Variants in AKAP6 observed in about 807,000 individuals in gnomAD.
AKAP6 encodes A-kinase anchor protein 6.
AKAP6 carries 58 observed loss-of-function variants against 188.5 expected under a neutral mutation model. That is an observed-to-expected ratio of 0.31 (90% CI 0.25 to 0.38). The LOEUF (loss-of-function observed/expected upper bound fraction) is 0.38, where lower values mean the gene tolerates loss of function less well. AKAP6 is among the 10% of genes least tolerant of loss of function. The pLI is 1.00. For synonymous variants in AKAP6, 989 were observed against 998.6 expected (o/e 0.99, Z 0.18); for missense variants, 2,710 against 2,740.0 (o/e 0.99, Z 0.24).
chr14:32,527,369 AATCCTT>A (rs1882185757), intron 2 of AKAP6, among the ~76,000 whole-genome samples: 7 of 39,618 alleles, frequency 1.8e-4, no homozygotes, highest in Non-Finnish European at 2.3e-4. Flanking sequence ...AAGTTTTGGC[AATCCTT>A]GGTTGCTTCC....
chr14:32,680,580 A>T (rs1166924753), intron 8 of AKAP6, among the ~76,000 whole-genome samples: 2 of 152,152 alleles, frequency 1.3e-5, no homozygotes, highest in African/African-American at 4.8e-5. Flanking sequence ...AGAGAAAATT[A>T]AGTTGGTGAT....
intron 2 of AKAP6, among the ~76,000 whole-genome samples, chr14:32,451,773 G>C (rs75100705): frequency 0.036 from 5,461 of 151,864 alleles, 126 homozygotes; most frequent in East Asian, 0.1. Flanking sequence ...AAATAAAACT[G>C]AAAAAAATGC....
chr14:32,368,850 A>G (rs963248043), intron 1 of AKAP6, among the ~76,000 whole-genome samples: 1 of 151,520 alleles, frequency 6.6e-6, no homozygotes, highest in African/African-American at 2.4e-5. Context: ...CCCTCTTGAA[A>G]CTTATAGTTT....
chr14:32,523,934 T>C (rs897863124), intron 2 of AKAP6, among the ~76,000 whole-genome samples: 2 of 152,148 alleles, frequency 1.3e-5, no homozygotes, highest in Non-Finnish European at 2.9e-5. Flanking sequence ...GATTGCTTCA[T>C]GTGGCTTCAA....
At chr14:32,827,668 A>C (rs1398716059) in intron 13 of AKAP6, among the ~76,000 whole-genome samples, 1 of 152,204 alleles carries the variant, frequency 6.6e-6, no homozygotes, top group Admixed American at 6.5e-5. Context: ...AGGAAAGGTA[A>C]CTGGATAGAT....
In AKAP6 at chr14:32,625,961, T is replaced by C. The variant is rs137877733; in HGVS notation, c.2730+25169T>C. Among the ~76,000 whole-genome samples the C allele has an allele frequency of 3.9e-3, 598 of 152,270 alleles. 2 individuals carry two copies. Among genetic ancestry groups the C allele is most frequent in the African/African-American group, 0.013 (555 of 41,562 alleles). ...AAGGGACTAAATAAGAAGCCCATTA[T>C]AGTGGCAAAATATGTGTCTAACTTG... On this transcript the variant is annotated intron_variant, in intron 7 of 13. Coordinates refer to ENST00000280979, the MANE Select transcript of AKAP6 (RefSeq NM_004274.5).
chr14:32,660,005 A>AAT (rs1555349699), intron 7 of AKAP6, among the ~76,000 whole-genome samples: 2 of 152,102 alleles, frequency 1.3e-5, no homozygotes, highest in Admixed American at 6.6e-5. Flanking sequence ...GGTTAAAAAA[A>AAT]ATATATATAT....
At chr14:32,428,799 C>T (rs1268325485) in intron 1 of AKAP6, among the ~76,000 whole-genome samples, 1 of 152,166 alleles carries the variant, frequency 6.6e-6, no homozygotes, top group East Asian at 1.9e-4. Flanking sequence ...ATCGCAGAAA[C>T]AGTCCTTGTT....
chr14:32,705,344 T>C (rs1202912359), intron 9 of AKAP6, among the ~76,000 whole-genome samples: 1 of 151,986 alleles, frequency 6.6e-6, no homozygotes, highest in African/African-American at 2.4e-5. Context: ...AGAAAGGCAT[T>C]GGGAAGGGAA....
intron 11 of AKAP6, among the ~76,000 whole-genome samples, chr14:32,764,932 TC>T (rs373609160): frequency 2.1e-5 from 3 of 143,104 alleles, no homozygotes; most frequent in African/African-American, 8.2e-5. Flanking sequence ...TTCAAGTGAA[TC>T]TTTTTTTTTT....
intron 11 of AKAP6, among the ~76,000 whole-genome samples, chr14:32,741,663 T>A (rs907105142): frequency 3.0e-4 from 45 of 152,036 alleles, no homozygotes; most frequent in African/African-American, 1.1e-3. Flanking sequence ...ATGGATCACA[T>A]TGATTGATTT....
At chr14:32,510,451 CATATATATGTGTAT>C (rs1730679581) in intron 2 of AKAP6, among the ~76,000 whole-genome samples, 1 of 35,826 alleles carries the variant, frequency 2.8e-5, no homozygotes, top group Non-Finnish European at 5.8e-5. Context: ...TATATATATA[CATATATATGTGTAT>C]ATATATATAT....
intron 7 of AKAP6, among the ~76,000 whole-genome samples, chr14:32,652,095 G>A (rs1029001380): frequency 1.3e-5 from 2 of 152,010 alleles, no homozygotes; most frequent in African/African-American, 4.8e-5. Context: ...GCATGCTATG[G>A]TTCCATGCTC....
intron 12 of AKAP6, among the ~76,000 whole-genome samples, chr14:32,780,189 TAC>T (rs1286042613): frequency 6.7e-6 from 1 of 149,292 alleles, no homozygotes; most frequent in African/African-American, 2.5e-5. Flanking sequence ...TATACACATA[TAC>T]ACACACAATG....
intron 1 of AKAP6, among the ~76,000 whole-genome samples, chr14:32,353,094 G>C (rs1246472118): frequency 6.6e-6 from 1 of 151,742 alleles, no homozygotes; most frequent in Non-Finnish European, 1.5e-5. Context: ...TCTAGTTGGG[G>C]TGCCAACCTC....
intron 9 of AKAP6, among the ~76,000 whole-genome samples, chr14:32,716,394 A>T (rs2030202243): frequency 6.6e-6 from 1 of 151,480 alleles, no homozygotes; most frequent in Non-Finnish European, 1.5e-5. Context: ...ACTATATCCT[A>T]TTAGGCTGGT....
chr14:32,507,916 G>T (rs1209281705), intron 2 of AKAP6, among the ~76,000 whole-genome samples: 1 of 152,184 alleles, frequency 6.6e-6, no homozygotes, highest in African/African-American at 2.4e-5. Context: ...AGGTGAAGCT[G>T]GCAAGGTAGA....
intron 2 of AKAP6, among the ~76,000 whole-genome samples, chr14:32,472,186 C>T (rs1455659301): frequency 6.6e-6 from 1 of 152,042 alleles, no homozygotes; most frequent in African/African-American, 2.4e-5. Context: ...TATTCCTACC[C>T]AGAACTCTAA....
intron 1 of AKAP6, among the ~76,000 whole-genome samples, chr14:32,387,717 T>G (rs1012034700): frequency 1.3e-5 from 2 of 151,652 alleles, no homozygotes; most frequent in African/African-American, 4.8e-5. Context: ...TGGATTTTCT[T>G]TTTGAGATGT....
Sources: gnomAD v4.1 joint callset for allele counts (sites outside exome capture counted in the v4.1 genomes callset) on GRCh38, gnomAD v4.1.1 for gene constraint, MANE v1.5 for transcripts, NCBI Gene and HGNC (gene_info 2026-07-23, HGNC 2026-07-21) for gene names.